Variants in CSMD2 observed in about 807,000 individuals in gnomAD.
The protein encoded by CSMD2 is CUB and Sushi multiple domains 2.
CSMD2 carries 130 observed loss-of-function variants against 398.5 expected under a neutral mutation model. The ratio of observed to expected loss-of-function variants is 0.33; its 90% confidence interval spans 0.28 to 0.38. The LOEUF (loss-of-function observed/expected upper bound fraction) is 0.38, where lower values mean the gene tolerates loss of function less well. Ranked by LOEUF, CSMD2 falls within the 10% of genes least tolerant of loss-of-function variation. The pLI, the probability that CSMD2 is intolerant of heterozygous loss-of-function variation, is 1.00. For synonymous variants in CSMD2, 1,828 were observed against 1,908.5 expected, an observed-to-expected ratio of 0.96 and a Z score of 1.10; for missense variants, 3,829 against 4,764.9, an observed-to-expected ratio of 0.80 and a Z score of 5.78.
At chr1:33,534,998 T>C (rs1056623815) in intron 62 of CSMD2, among the ~76,000 whole-genome samples, 1 of 152,190 alleles carries the variant, frequency 6.6e-6, no homozygotes. Context: ...CATTCTCTAC[T>C]CAGCAGCCTG....
At chr1:33,727,745 T>TA (rs2149212428) in intron 15 of CSMD2, among the ~76,000 whole-genome samples, 1 of 152,276 alleles carries the variant, frequency 6.6e-6, no homozygotes, top group South Asian at 2.1e-4. Context: ...GTTAAATATG[T>TA]AGCTTCAGTG....
rs897995101 is a variant in CSMD2 at position 33,659,377 on chromosome 1, C to T, written c.4256-1240G>A. ...TGCCTCCACAGCCCAGAGCTGACAGCGGGGCCCGGTCCCAGTCCCCAGCTA... is the reference window on the plus strand; with the variant it reads ...TGCCTCCACAGCCCAGAGCTGACAGTGGGGCCCGGTCCCAGTCCCCAGCTA... On this transcript the variant is annotated intron_variant, in intron 26 of 70. Coordinates refer to ENST00000373381, the MANE Select transcript of CSMD2 (RefSeq NM_001281956.2). Among the ~76,000 whole-genome samples, 10 of 152,292 alleles carry T rather than the reference C, an allele frequency of 6.6e-5. No individual in the cohort carries two copies. The East Asian group carries it at 9.7e-4, about 15-fold the overall frequency.
At chr1:34,126,504 C>T (rs1662754974) in intron 1 of CSMD2, among the ~76,000 whole-genome samples, 1 of 152,188 alleles carries the variant, frequency 6.6e-6, no homozygotes, top group South Asian at 2.1e-4. Context: ...AGCCTGCAGC[C>T]ACTGCCCATC....
intron 1 of CSMD2, among the ~76,000 whole-genome samples, chr1:34,112,733 A>G (rs1401059695): frequency 6.6e-6 from 1 of 152,216 alleles, no homozygotes; most frequent in Non-Finnish European, 1.5e-5. Flanking sequence ...GAATCTAGTT[A>G]GTCCAATGCT....
In CSMD2 at chr1:33,947,897, T is replaced by C. The variant is rs1644887212; in HGVS notation, c.518-11943A>G. Among the ~76,000 whole-genome samples the C allele has an allele frequency of 2.0e-5, 3 of 152,308 alleles. No individual in the cohort carries two copies. In the South Asian group the frequency reaches 6.2e-4, roughly 32 times the overall value. On this transcript the variant is annotated intron_variant, in intron 3 of 70. Coordinates refer to ENST00000373381, the MANE Select transcript of CSMD2 (RefSeq NM_001281956.2). ...GTGCCCATTGGACAGGAGAGGAAAC[T>C]GAGGCGCAGAGAGGGTGAGTCACTT...
chr1:33,932,710 G>A (rs921640600), intron 4 of CSMD2, among the ~76,000 whole-genome samples: 15 of 152,128 alleles, frequency 9.9e-5, no homozygotes, highest in African/African-American at 2.7e-4. Flanking sequence ...TCTGGCTGGT[G>A]GGGTAACAAA....
At chr1:33,558,816 C>T (rs1054329353) in intron 54 of CSMD2, among the ~76,000 whole-genome samples, 1 of 152,124 alleles carries the variant, frequency 6.6e-6, no homozygotes, top group South Asian at 2.1e-4. Flanking sequence ...AGGCTCTCTG[C>T]TTTTTAACCC....
intron 42 of CSMD2, 96 bp downstream of exon 42, chr1:33,605,186 G>C: frequency 8.4e-7 from 1 of 1,197,410 alleles, no homozygotes; most frequent in Non-Finnish European, 1.2e-6. Flanking sequence ...CAGCCCTGGA[G>C]ATCCCACAGA....
chr1:34,141,105 T>G (rs923919640), intron 1 of CSMD2, among the ~76,000 whole-genome samples: 34 of 152,274 alleles, frequency 2.2e-4, no homozygotes, highest in African/African-American at 7.7e-4. Context: ...GCTCCACCTT[T>G]TAAGTCCCAT....
intron 1 of CSMD2, among the ~76,000 whole-genome samples, chr1:34,120,064 A>G (rs1324705675): frequency 2.6e-5 from 4 of 152,254 alleles, no homozygotes; most frequent in Admixed American, 2.0e-4. Context: ...TGTGGTACAT[A>G]CATACAATTG....
chr1:33,746,940 G>A (rs190092635), intron 13 of CSMD2, among the ~76,000 whole-genome samples: 28 of 152,338 alleles, frequency 1.8e-4, no homozygotes, highest in African/African-American at 6.0e-4. Context: ...AACATACTGT[G>A]CTGTAACCCT....
intron 2 of CSMD2, among the ~76,000 whole-genome samples, chr1:34,080,404 A>AT (rs1156607563): frequency 6.6e-6 from 1 of 152,036 alleles, no homozygotes; most frequent in Non-Finnish European, 1.5e-5. Flanking sequence ...TAATAACATA[A>AT]TTTTTTCACC....
intron 25 of CSMD2, among the ~76,000 whole-genome samples, chr1:33,681,134 T>C (rs191482024): frequency 1.1e-4 from 17 of 151,950 alleles, no homozygotes; most frequent in African/African-American, 3.6e-4. Flanking sequence ...GGGTTGACCA[T>C]GCTGGTCTCG....
chr1:33,798,656 G>A (rs1459518696), intron 10 of CSMD2, among the ~76,000 whole-genome samples: 1 of 152,226 alleles, frequency 6.6e-6, no homozygotes, highest in Non-Finnish European at 1.5e-5. Context: ...AAGTCGATGG[G>A]AAGCTATAAT....
intron 1 of CSMD2, among the ~76,000 whole-genome samples, chr1:34,127,542 A>T (rs2148487511): frequency 6.6e-6 from 1 of 152,138 alleles, no homozygotes; most frequent in East Asian, 1.9e-4. Flanking sequence ...CACAGGTAGG[A>T]GGAGGATGTG....
chr1:33,743,127 T>C (rs913485857), intron 14 of CSMD2, among the ~76,000 whole-genome samples, 153 bp downstream of exon 14: 2 of 152,170 alleles, frequency 1.3e-5, no homozygotes, highest in African/African-American at 2.4e-5. Context: ...TTCTTGGTCA[T>C]GCTGGGAGCT....
rs1175680677 is a variant in CSMD2, at chr1:33,514,627, G to C, written c.*1997C>G. 1 of 152,162 alleles carries C rather than the reference G, an allele frequency of 6.6e-6. No homozygotes were observed. The highest frequency in any genetic ancestry group is 1.5e-5 in the Non-Finnish European group (1 of 68,066). 9.4% of individuals were successfully genotyped at this position (152,162 alleles called of 1,614,324 possible). A position where few individuals can be genotyped will look rare whatever the true frequency, so the allele number is the denominator to read the frequency against. ...GGGTGGTCTGAGAGGGGCATAAGAAGGGGGAAGGGAGCAGTCGAAGGAGAG... is the reference window on the plus strand; with the variant it reads ...GGGTGGTCTGAGAGGGGCATAAGAACGGGGAAGGGAGCAGTCGAAGGAGAG... On this transcript the variant is annotated 3_prime_UTR_variant, in exon 71 of 71. Coordinates refer to ENST00000373381, the MANE Select transcript of CSMD2 (RefSeq NM_001281956.2).
At chr1:33,585,526 G>A (rs1639024743) in intron 46 of CSMD2, among the ~76,000 whole-genome samples, 1 of 152,132 alleles carries the variant, frequency 6.6e-6, no homozygotes, top group African/African-American at 2.4e-5. Flanking sequence ...ATTTTAAGAG[G>A]AGAAGGAAAA....
chr1:34,078,750 A>G (rs1469150825), intron 2 of CSMD2, among the ~76,000 whole-genome samples: 1 of 152,232 alleles, frequency 6.6e-6, no homozygotes, highest in Non-Finnish European at 1.5e-5. Context: ...CTACCAGACA[A>G]GTGAAGAAAA....
Sources: gnomAD v4.1 joint callset for allele counts (sites outside exome capture counted in the v4.1 genomes callset) on GRCh38, gnomAD v4.1.1 for gene constraint, MANE v1.5 for transcripts, NCBI Gene and HGNC (gene_info 2026-07-23, HGNC 2026-07-21) for gene names.